The following EPHB2 variants were observed in gnomAD, a reference collection of about 807,000 sequenced individuals.
EPHB2 encodes the protein EPH receptor B2, also known as ephrin type-B receptor 2.
In EPHB2, 18 loss-of-function variants were observed where a neutral mutation model predicts 96.4. The observed-to-expected ratio is 0.19, with a 90% CI of 0.13 to 0.28. The LOEUF (loss-of-function observed/expected upper bound fraction) is 0.28, where lower values mean the gene tolerates loss of function less well. Among genes scored for constraint, EPHB2 ranks in the 10% least tolerant of loss-of-function variants. EPHB2 has a pLI of 1.00. For missense variants in EPHB2, 989 were observed against 1,355.4 expected, an observed-to-expected ratio of 0.73 and a Z score of 4.25; for synonymous variants, 506 against 534.1, an observed-to-expected ratio of 0.95 and a Z score of 0.72.
chr1:22,766,390 G>A (rs569760447), intron 1 of EPHB2, among the ~76,000 whole-genome samples: 26 of 152,302 alleles, frequency 1.7e-4, no homozygotes, highest in Middle Eastern at 3.4e-3. Context: ...CAAATGCAGC[G>A]TCCCGCTCAT....
At chr1:22,759,721 C>T (rs1644208024) in intron 1 of EPHB2, among the ~76,000 whole-genome samples, 1 of 152,188 alleles carries the variant, frequency 6.6e-6, no homozygotes, top group Admixed American at 6.5e-5. Context: ...CCCTTTCTAC[C>T]ATCCCATCCC....
intron 3 of EPHB2, among the ~76,000 whole-genome samples, chr1:22,837,398 TGTTTACAGAGTCACAA>T (rs1201281517): frequency 6.6e-6 from 1 of 152,106 alleles, no homozygotes; most frequent in Non-Finnish European, 1.5e-5. Context: ...GAGGATGTGA[TGTTTACAGAGTCACAA>T]GTTTATGAGA....
intron 3 of EPHB2, among the ~76,000 whole-genome samples, chr1:22,807,869 C>T (rs1644948815): frequency 6.6e-6 from 1 of 152,216 alleles, no homozygotes. Flanking sequence ...CACAGTGGCT[C>T]ATGACTGTAA....
At chr1:22,902,483 C>G (rs1321221693) in intron 9 of EPHB2, among the ~76,000 whole-genome samples, 2 of 152,154 alleles carry the variant, frequency 1.3e-5, no homozygotes, top group African/African-American at 4.8e-5. Context: ...TCCAATACCC[C>G]AAAATTATAT....
At chr1:22,865,343 G>A (rs1043134631) in intron 5 of EPHB2, 131 bp downstream of exon 5, 23 of 1,058,670 alleles carry the variant, frequency 2.2e-5, no homozygotes, top group East Asian at 5.1e-5. Flanking sequence ...TCATGTGATC[G>A]GTCCACCTGG....
chr1:22,792,318 C>T (rs780749479), intron 3 of EPHB2, among the ~76,000 whole-genome samples: 7 of 152,008 alleles, frequency 4.6e-5, no homozygotes, highest in Non-Finnish European at 8.8e-5. Flanking sequence ...AGGCCCAGAC[C>T]CCCACATAGA....
Position 22,865,227 on chromosome 1 carries a change from C to T in EPHB2, c.1303+15C>T, listed in dbSNP as rs116602678. 1.8e-5 allele frequency: 29 copies of T among 1,614,044 alleles called. No homozygotes were observed. Among genetic ancestry groups the T allele is most frequent in the Middle Eastern group, 1.6e-4 (1 of 6,084 alleles). On this transcript the variant is annotated intron_variant, in intron 5 of 15. Coordinates refer to ENST00000374630, the MANE Select transcript of EPHB2 (RefSeq NM_017449.5). ...CAACCAGGCAGGTAAGTGCTTCCGA[C>T]GTGGGCCAGGGGAGTGCCCCATCGC...
intron 5 of EPHB2, among the ~76,000 whole-genome samples, chr1:22,871,432 G>A (rs1265916251): frequency 3.3e-5 from 5 of 152,188 alleles, no homozygotes; most frequent in African/African-American, 9.6e-5. Flanking sequence ...AGCGGGGCCT[G>A]ACAAATTCAG....
intron 1 of EPHB2, among the ~76,000 whole-genome samples, chr1:22,763,152 G>A (rs1249574954): frequency 6.6e-6 from 1 of 152,196 alleles, no homozygotes; most frequent in East Asian, 1.9e-4. Context: ...AGCTGCCTGG[G>A]TCTGGGCCTG....
intron 3 of EPHB2, among the ~76,000 whole-genome samples, chr1:22,852,481 T>C (rs1645637405): frequency 6.6e-6 from 1 of 152,188 alleles, no homozygotes; most frequent in South Asian, 2.1e-4. Flanking sequence ...CTTGATTAAT[T>C]GGGAGGAAAT....
rs1640226751 is a variant in EPHB2 at position 22,914,901 on chromosome 1, G to A, written c.*1331G>A. On this transcript the variant is annotated 3_prime_UTR_variant, in exon 16 of 16. Transcript: ENST00000374630. ...GAGGAAGTGGGCTCTGAGGCTGCAG[G>A]GCTGGAAGTCCTTGCCCACTTCCCA... The A allele has an allele frequency of 6.6e-6, 1 of 152,534 alleles. No individual in the cohort carries two copies. The highest frequency in any genetic ancestry group is 1.5e-5 in the Non-Finnish European group (1 of 68,040). 9.4% of individuals were successfully genotyped at this position (152,534 alleles called of 1,614,324 possible).
intron 6 of EPHB2, among the ~76,000 whole-genome samples, chr1:22,885,648 A>G (rs1457102195): frequency 6.6e-6 from 1 of 152,218 alleles, no homozygotes; most frequent in African/African-American, 2.4e-5. Context: ...ATTTGTACCT[A>G]TGGTCTCACT....
At chr1:22,728,715 C>CA (rs1169751785) in intron 1 of EPHB2, among the ~76,000 whole-genome samples, 1 of 152,210 alleles carries the variant, frequency 6.6e-6, no homozygotes, top group Non-Finnish European at 1.5e-5. Flanking sequence ...CCATGGCCGA[C>CA]AACTCTAAGG....
intron 3 of EPHB2, among the ~76,000 whole-genome samples, chr1:22,852,122 G>A (rs931393467): frequency 3.3e-5 from 5 of 152,214 alleles, no homozygotes; most frequent in Admixed American, 6.5e-5. Flanking sequence ...TGAAGATGCA[G>A]CAACATTGTT....
At chr1:22,754,883 TGAGGC>T (rs1423433752) in intron 1 of EPHB2, among the ~76,000 whole-genome samples, 2 of 48,552 alleles carry the variant, frequency 4.1e-5, no homozygotes, top group South Asian at 7.7e-4. Flanking sequence ...GCAGGTGAGG[TGAGGC>T]GAGGGGCAGA....
chr1:22,744,988 G>A (rs926827780), intron 1 of EPHB2, among the ~76,000 whole-genome samples: 2 of 152,214 alleles, frequency 1.3e-5, no homozygotes, highest in African/African-American at 2.4e-5. Flanking sequence ...GGAGAGGTTG[G>A]TCTTGCTGTC....
chr1:22,729,956 C>T (rs890606283), intron 1 of EPHB2, among the ~76,000 whole-genome samples: 1 of 152,208 alleles, frequency 6.6e-6, no homozygotes, highest in African/African-American at 2.4e-5. Flanking sequence ...GGAGGATATG[C>T]TTCTGTTTGT....
At chr1:22,750,810 T>C (rs1489107032) in intron 1 of EPHB2, among the ~76,000 whole-genome samples, 2 of 152,214 alleles carry the variant, frequency 1.3e-5, no homozygotes, top group Non-Finnish European at 2.9e-5. Flanking sequence ...ATGAGACAGG[T>C]GCTATTATCC....
intron 3 of EPHB2, among the ~76,000 whole-genome samples, chr1:22,822,701 A>T (rs149832204): frequency 3.5e-4 from 53 of 152,360 alleles, no homozygotes; most frequent in African/African-American, 1.2e-3. Context: ...GTCCTGGGTC[A>T]GGACATGCAC....
Sources: allele counts gnomAD v4.1 joint callset (sites outside exome capture counted in the v4.1 genomes callset), GRCh38; gene constraint gnomAD v4.1.1; transcripts MANE v1.5; gene names NCBI Gene and HGNC (gene_info 2026-07-23, HGNC 2026-07-21).